CNTN1: variants seen among roughly 807,000 people sequenced by gnomAD.
CNTN1 encodes the protein contactin-1.
Under a neutral mutation model 126.4 loss-of-function variants are expected in CNTN1, and 38 were observed. The observed-to-expected ratio is 0.30, with a 90% confidence interval of 0.23 to 0.39. CNTN1 has a LOEUF of 0.39. Among genes scored for constraint, CNTN1 ranks in the 10% least tolerant of loss-of-function variants. The probability of loss-of-function intolerance (pLI) is 1.00; values close to 1 mark genes in which losing one functional copy is unlikely to be tolerated. For missense variants in CNTN1, 1,009 were observed against 1,248.4 expected (o/e 0.81, Z 2.89); for synonymous variants, 413 against 422.6 (o/e 0.98, Z 0.28).
intron 7 of CNTN1, among the ~76,000 whole-genome samples, chr12:40,930,259 C>T (rs1945838459): frequency 1.3e-5 from 2 of 151,920 alleles, no homozygotes; most frequent in African/African-American, 4.8e-5. Flanking sequence ...GGGACTGATA[C>T]CTTAGTCCAG....
intron 1 of CNTN1, among the ~76,000 whole-genome samples, chr12:40,817,084 G>A (rs1941280703): frequency 6.6e-6 from 1 of 152,168 alleles, no homozygotes; most frequent in Non-Finnish European, 1.5e-5. Context: ...GTCGATTTTA[G>A]AATAAGTGCC....
chr12:41,056,142 CAACA>C (rs1016822556), intron 23 of CNTN1, among the ~76,000 whole-genome samples: 4 of 152,150 alleles, frequency 2.6e-5, no homozygotes, highest in East Asian at 3.9e-4. Context: ...ACTCATTTTT[CAACA>C]AACAAAGTAG....
chr12:41,029,885 T>C (rs1487594330), intron 23 of CNTN1, among the ~76,000 whole-genome samples: 2 of 152,038 alleles, frequency 1.3e-5, no homozygotes, highest in Non-Finnish European at 2.9e-5. Context: ...TGGAAATACA[T>C]ATATTTGAGG....
At chr12:40,891,067 A>G (rs1259687574) in intron 1 of CNTN1, among the ~76,000 whole-genome samples, 1 of 152,114 alleles carries the variant, frequency 6.6e-6, no homozygotes, top group Non-Finnish European at 1.5e-5. Context: ...TTGAATTGGT[A>G]TGTAGTGATA....
intron 6 of CNTN1, among the ~76,000 whole-genome samples, chr12:40,927,989 T>C (rs1945754195): frequency 6.6e-6 from 1 of 152,078 alleles, no homozygotes; most frequent in Non-Finnish European, 1.5e-5. Context: ...ACTGGCCTGA[T>C]AAAAAAGTCA....
chr12:41,004,087 G>C (rs1248284961), intron 17 of CNTN1, among the ~76,000 whole-genome samples: 2 of 152,082 alleles, frequency 1.3e-5, no homozygotes, highest in Non-Finnish European at 2.9e-5. Flanking sequence ...TTAGTGCTAT[G>C]AATTTTCCTC....
At chr12:40,787,366 A>G (rs1213295090) in intron 1 of CNTN1, among the ~76,000 whole-genome samples, 3 of 152,182 alleles carry the variant, frequency 2.0e-5, no homozygotes, top group Non-Finnish European at 4.4e-5. Context: ...GCACACGGGG[A>G]AAAGTGTTAC....
At chr12:40,758,042 A>G (rs1006432472) in intron 1 of CNTN1, among the ~76,000 whole-genome samples, 2 of 151,554 alleles carry the variant, frequency 1.3e-5, no homozygotes, top group Non-Finnish European at 2.9e-5. Context: ...TCTTTAATGG[A>G]CTAAATATGT....
chr12:40,729,866 A>G, intron 1 of CNTN1: 1 of 171,154 alleles, frequency 5.8e-6, no homozygotes, highest in Non-Finnish European at 1.3e-5. Flanking sequence ...TGGCAACTTG[A>G]TAGTGAATAG....
chr12:41,027,120 G>A (rs1286356082), intron 21 of CNTN1, among the ~76,000 whole-genome samples: 2 of 152,124 alleles, frequency 1.3e-5, no homozygotes, highest in Admixed American at 6.6e-5. Context: ...TTTGAAAAAT[G>A]TATTACATTT....
intron 23 of CNTN1, among the ~76,000 whole-genome samples, chr12:41,047,291 CTTCCCACTG>C (rs1592457845): frequency 6.6e-6 from 1 of 152,120 alleles, no homozygotes; most frequent in Non-Finnish European, 1.5e-5. Context: ...CTCTTAAAAC[CTTCCCACTG>C]TTCCCTCTAA....
At chr12:41,005,953 T>G (rs1948481707) in intron 17 of CNTN1, among the ~76,000 whole-genome samples, 1 of 152,214 alleles carries the variant, frequency 6.6e-6, no homozygotes, top group African/African-American at 2.4e-5. Context: ...TTCAGAACCT[T>G]TGCTGGAGAG....
Position 40,844,107 on chromosome 12 carries a change from G to T in CNTN1, c.-76-64250G>T, listed in dbSNP as rs561272164. ...TTTTGAGACGGAGTCTCACTGTGTC[G>T]CCCAGGCTGGAGTGCAGTGGCACGA... On this transcript the variant is annotated intron_variant, in intron 1 of 23. Transcript: ENST00000551295. 1.8e-3 allele frequency among the ~76,000 whole-genome samples: 73 copies of T among 40,026 alleles called. 2 individuals are homozygous for T. The highest frequency in any genetic ancestry group is 4.3e-3 in the African/African-American group (67 of 15,504). The allele number at this position is 40,026 out of a possible 152,430, so 26.3% of individuals were successfully genotyped here. A position where few individuals can be genotyped will look rare whatever the true frequency, so the allele number is the denominator to read the frequency against.
At chr12:40,935,466 G>A (rs1946048317) in intron 9 of CNTN1, among the ~76,000 whole-genome samples, 1 of 151,992 alleles carries the variant, frequency 6.6e-6, no homozygotes, top group Non-Finnish European at 1.5e-5. Context: ...TACTAATGCA[G>A]CATACTAAGT....
At position 40,924,666 on chromosome 12, in the gene CNTN1, C is replaced by T. The variant is rs932519800; in HGVS notation, c.496+14C>T. 6.5e-6 allele frequency: 9 copies of T among 1,383,684 alleles called. No individual in the cohort carries two copies. Among genetic ancestry groups the T allele is most frequent in the South Asian group, 1.2e-5 (1 of 86,386 alleles). The allele number at this position is 1,383,684 out of a possible 1,614,324, so 85.7% of individuals were successfully genotyped here. A position where few individuals can be genotyped will look rare whatever the true frequency, so the allele number is the denominator to read the frequency against. Reference sequence around the variant, plus strand: ...ACCATTTTCCAGGTAAACTTAATTCCTCTCTGACTATTAGCATCTATGAAA... The same window carrying T: ...ACCATTTTCCAGGTAAACTTAATTCTTCTCTGACTATTAGCATCTATGAAA... On this transcript the variant is annotated intron_variant, in intron 6 of 23. Transcript: ENST00000551295.
intron 1 of CNTN1, among the ~76,000 whole-genome samples, chr12:40,726,233 TAAAAC>T (rs1942348007): frequency 6.6e-6 from 1 of 152,170 alleles, no homozygotes; most frequent in African/African-American, 2.4e-5. Flanking sequence ...ATTAACATGT[TAAAAC>T]AATTCAGAAA....
intron 1 of CNTN1, among the ~76,000 whole-genome samples, chr12:40,712,259 T>C (rs1443580973): frequency 6.6e-6 from 1 of 152,126 alleles, no homozygotes; most frequent in South Asian, 2.1e-4. Context: ...AGTTTGGATT[T>C]GTTTTTCAGC....
intron 14 of CNTN1, among the ~76,000 whole-genome samples, chr12:40,948,933 T>C (rs1461308299): frequency 3.3e-5 from 5 of 152,200 alleles, no homozygotes; most frequent in Non-Finnish European, 7.3e-5. Flanking sequence ...TGTAGACAGG[T>C]ATGCTAGGTG....
At chr12:40,942,135 T>G (rs1205288357) in intron 12 of CNTN1, among the ~76,000 whole-genome samples, 2 of 152,082 alleles carry the variant, frequency 1.3e-5, no homozygotes, top group Non-Finnish European at 2.9e-5. Flanking sequence ...GAAAAATAAT[T>G]AAATGAAAGG....
Sources: allele counts gnomAD v4.1 joint callset (sites outside exome capture counted in the v4.1 genomes callset), GRCh38; gene constraint gnomAD v4.1.1; transcripts MANE v1.5; gene names NCBI Gene and HGNC (gene_info 2026-07-23, HGNC 2026-07-21).